ZCWPW2: variants seen among roughly 807,000 people sequenced by gnomAD.
The protein encoded by ZCWPW2 is zinc finger CW-type PWWP domain protein 2.
Under a neutral mutation model 46.6 loss-of-function variants are expected in ZCWPW2, and 45 were observed. That is an observed-to-expected ratio of 0.96 (90% CI 0.76 to 1.24). The LOEUF is 1.24. Among genes scored for constraint, ZCWPW2 ranks in the 50% most tolerant of loss-of-function variants. ZCWPW2 has a pLI of 0.00. For synonymous variants in ZCWPW2, 152 were observed against 137.1 expected (o/e 1.11, Z -0.76); for missense variants, 429 against 403.9 (o/e 1.06, Z -0.53).
chr3:28,481,414 T>C (rs534900571), intron 5 of ZCWPW2, among the ~76,000 whole-genome samples: 7 of 152,214 alleles, frequency 4.6e-5, no homozygotes, highest in African/African-American at 1.7e-4. Context: ...CAGCTAATTT[T>C]TGTATTTTAG....
At chr3:28,510,027 A>G (rs1171987727) in intron 6 of ZCWPW2, among the ~76,000 whole-genome samples, 1 of 152,170 alleles carries the variant, frequency 6.6e-6, no homozygotes, top group African/African-American at 2.4e-5. Flanking sequence ...TTGCATGTGG[A>G]TATCCAGTTG....
chr3:28,457,846 T>A (rs1048448815), intron 4 of ZCWPW2, among the ~76,000 whole-genome samples: 2 of 152,228 alleles, frequency 1.3e-5, no homozygotes, highest in Non-Finnish European at 2.9e-5. Flanking sequence ...GTACACAGTG[T>A]TTTTATTCTT....
intron 3 of ZCWPW2, 141 bp from the exon 4 acceptor site, chr3:28,434,968 CT>C: frequency 1.2e-6 from 1 of 848,430 alleles, no homozygotes; most frequent in Non-Finnish European, 1.8e-6. Context: ...AATATCCTAC[CT>C]TTGAAAGATA....
intron 3 of ZCWPW2, among the ~76,000 whole-genome samples, chr3:28,421,517 TC>T (rs1696786827): frequency 3.9e-5 from 6 of 152,130 alleles, no homozygotes; most frequent in Admixed American, 2.6e-4. Context: ...CTTGCTAGGC[TC>T]CCCCTATCCT....
At chr3:28,442,042 G>A (rs1432185291) in intron 4 of ZCWPW2, among the ~76,000 whole-genome samples, 1 of 152,156 alleles carries the variant, frequency 6.6e-6, no homozygotes, top group Non-Finnish European at 1.5e-5. Flanking sequence ...GGGTCATATG[G>A]CCCAAGTGAC....
chr3:28,504,266 T>C (rs895674458), intron 6 of ZCWPW2, among the ~76,000 whole-genome samples: 2 of 152,126 alleles, frequency 1.3e-5, no homozygotes, highest in African/African-American at 4.8e-5. Flanking sequence ...TCATGAAATA[T>C]TTATATTAGA....
chr3:28,470,099 A>C (rs1211163347), intron 4 of ZCWPW2, among the ~76,000 whole-genome samples: 1 of 152,240 alleles, frequency 6.6e-6, no homozygotes, highest in East Asian at 1.9e-4. Flanking sequence ...ACAATGCAAT[A>C]AAACTAGAAA....
At chr3:28,367,799 T>C (rs1705177769) in intron 1 of ZCWPW2, among the ~76,000 whole-genome samples, 1 of 152,196 alleles carries the variant, frequency 6.6e-6, no homozygotes, top group Admixed American at 6.5e-5. Flanking sequence ...TGTAGGTCTC[T>C]AAGGACTTGC....
chr3:28,451,393 AT>A (rs373769951), intron 4 of ZCWPW2, among the ~76,000 whole-genome samples: 1 of 152,316 alleles, frequency 6.6e-6, no homozygotes, highest in African/African-American at 2.4e-5. Flanking sequence ...TCAAGTCCAA[AT>A]TCTTTTCTCT....
chr3:28,440,167 T>C (rs555335970), intron 4 of ZCWPW2, among the ~76,000 whole-genome samples: 1 of 152,206 alleles, frequency 6.6e-6, no homozygotes, highest in African/African-American at 2.4e-5. Context: ...CATTGTGGAG[T>C]AGTAGACTGA....
chr3:28,448,219 T>C (rs1698072264), intron 4 of ZCWPW2: 1 of 158,294 alleles, frequency 6.3e-6, no homozygotes, highest in African/African-American at 2.4e-5. Flanking sequence ...CACAAAAAAA[T>C]TAGAACTAAT....
chr3:28,397,839 A>G (rs1446901441), intron 2 of ZCWPW2, among the ~76,000 whole-genome samples: 1 of 152,164 alleles, frequency 6.6e-6, no homozygotes, highest in African/African-American at 2.4e-5. Context: ...GCTTAGAACT[A>G]TTTATTAGGA....
At chr3:28,435,571 C>T (rs1421269198) in intron 4 of ZCWPW2, among the ~76,000 whole-genome samples, 33 of 150,550 alleles carry the variant, frequency 2.2e-4, no homozygotes, top group African/African-American at 4.9e-5. Context: ...CTGCAAGCTC[C>T]GCCTCCTGGG....
Position 28,390,536 on chromosome 3 carries a change from A to G in ZCWPW2, c.-95A>G. ...GAACGCCTGCCTCTTTAGTGACTAC[A>G]GACCTCACTTCCCTTCTCTGGAGTT... On this transcript the variant is annotated 5_prime_UTR_variant, in exon 2 of 10. Transcript: ENST00000383768. 1.0e-6 allele frequency: 1 copy of G among 985,414 alleles called. No homozygotes were observed. The highest frequency in any genetic ancestry group is 1.2e-6 in the Non-Finnish European group (1 of 829,924). 61.0% of individuals were successfully genotyped at this position (985,414 alleles called of 1,614,324 possible).
intron 3 of ZCWPW2, among the ~76,000 whole-genome samples, chr3:28,428,735 T>G (rs1697123275): frequency 6.6e-6 from 1 of 152,164 alleles, no homozygotes; most frequent in South Asian, 2.1e-4. Flanking sequence ...CCCCATGCTG[T>G]TCTCATGATA....
intron 1 of ZCWPW2, among the ~76,000 whole-genome samples, chr3:28,368,712 C>G (rs1705210329): frequency 6.6e-6 from 1 of 152,206 alleles, no homozygotes; most frequent in African/African-American, 2.4e-5. Context: ...GCCTGCCTTG[C>G]TAGATTGGGG....
intron 2 of ZCWPW2, among the ~76,000 whole-genome samples, chr3:28,411,003 TGG>T (rs1696376278): frequency 5.9e-5 from 9 of 152,006 alleles, no homozygotes; most frequent in Admixed American, 4.6e-4. Flanking sequence ...TTTCCCAAAA[TGG>T]GGGAACATTT....
At chr3:28,402,760 A>G (rs1376206525) in intron 2 of ZCWPW2, among the ~76,000 whole-genome samples, 1 of 152,228 alleles carries the variant, frequency 6.6e-6, no homozygotes, top group African/African-American at 2.4e-5. Flanking sequence ...AAGTCAATAA[A>G]TGTGATATAC....
chr3:28,421,954 G>A lies in ZCWPW2; in HGVS notation c.332+8554G>A, dbSNP rs529373987. Among the ~76,000 whole-genome samples the A allele has an allele frequency of 2.6e-5, 4 of 150,974 alleles. 1 individual carries two copies. Among genetic ancestry groups the A allele is most frequent in the African/African-American group, 9.7e-5 (4 of 41,108 alleles). The stretch of plus-strand genomic sequence containing the variant: ...TCTCAAAGTATCAAAAATATGACCC[G>A]TGTTCTTAAATTTCCTAGGTTTTTC... On this transcript the variant is annotated intron_variant, in intron 3 of 9. Coordinates refer to ENST00000383768, the MANE Select transcript of ZCWPW2 (RefSeq NM_001040432.4).
Sources: allele counts gnomAD v4.1 joint callset (sites outside exome capture counted in the v4.1 genomes callset), GRCh38; gene constraint gnomAD v4.1.1; transcripts MANE v1.5; gene names NCBI Gene and HGNC (gene_info 2026-07-23, HGNC 2026-07-21).